The following KCNH1 variants were observed in gnomAD, a reference collection of about 807,000 sequenced individuals.
KCNH1 encodes voltage-gated delayed rectifier potassium channel KCNH1.
A neutral mutation model predicts 69.2 loss-of-function variants in KCNH1; 27 were observed. The observed-to-expected ratio is 0.39, with a 90% CI of 0.29 to 0.54. The LOEUF (loss-of-function observed/expected upper bound fraction) is 0.54, where lower values mean the gene tolerates loss of function less well. KCNH1 is among the 20% of genes least tolerant of loss of function. The probability of loss-of-function intolerance (pLI) is 0.68; values close to 1 mark genes in which losing one functional copy is unlikely to be tolerated. For missense variants in KCNH1, 798 were observed against 1,261.6 expected, an observed-to-expected ratio of 0.63 and a Z score of 5.57; for synonymous variants, 456 against 487.7, an observed-to-expected ratio of 0.93 and a Z score of 0.86.
At position 210,919,240 on chromosome 1, in the gene KCNH1, T is replaced by C. The variant is rs12093116; in HGVS notation, c.1462+400A>G. The C allele has an allele frequency of 0.025, 3,901 of 158,024 alleles. 141 individuals are homozygous for C. The highest frequency in any genetic ancestry group is 0.087 in the African/African-American group (3,610 of 41,646). 9.8% of individuals were successfully genotyped at this position (158,024 alleles called of 1,614,324 possible). ...ACAATTTTTATTAAAAAGAAAAAAA[T>C]TGACATGAAAAGACTTCCATAATTC... On this transcript the variant is annotated intron_variant, in intron 7 of 10. Coordinates refer to ENST00000271751, the MANE Select transcript of KCNH1 (RefSeq NM_172362.3). The surrounding 1 kb of genome is among the most constrained non-coding windows in gnomAD (Gnocchi z 4.2).
chr1:210,950,928 A>G (rs1189933195), intron 6 of KCNH1, among the ~76,000 whole-genome samples: 1 of 152,230 alleles, frequency 6.6e-6, no homozygotes, highest in African/African-American at 2.4e-5. Context: ...CTCTGCCTTC[A>G]TGGAACTTAC....
intron 1 of KCNH1, among the ~76,000 whole-genome samples, chr1:211,121,902 C>G (rs543139357): frequency 5.3e-5 from 8 of 152,104 alleles, no homozygotes; most frequent in Non-Finnish European, 1.2e-4. Context: ...TTGGGAGACC[C>G]AGGTGGGCGG....
chr1:210,887,016 G>T (rs1210213864), intron 7 of KCNH1, among the ~76,000 whole-genome samples: 1 of 152,016 alleles, frequency 6.6e-6, no homozygotes, highest in African/African-American at 2.4e-5. Flanking sequence ...AGCAAGACAG[G>T]CCAACATTCA....
intron 5 of KCNH1, among the ~76,000 whole-genome samples, chr1:211,058,051 G>C (rs2102446794): frequency 6.6e-6 from 1 of 152,192 alleles, no homozygotes; most frequent in Non-Finnish European, 1.5e-5. Flanking sequence ...AGGAGAGACT[G>C]TCACAACATA....
intron 10 of KCNH1, among the ~76,000 whole-genome samples, chr1:210,766,982 A>G (rs1417548058): frequency 1.3e-5 from 2 of 152,370 alleles, no homozygotes; most frequent in East Asian, 1.9e-4. Flanking sequence ...TCTGCTTACC[A>G]AAAGCAAAGG....
intron 7 of KCNH1, among the ~76,000 whole-genome samples, chr1:210,887,722 CAAAAAA>C (rs35066964): frequency 1.8e-5 from 1 of 55,062 alleles, no homozygotes; most frequent in Non-Finnish European, 3.2e-5. Context: ...AATGGAAAGC[CAAAAAA>C]AAAAAAAAAA....
chr1:211,078,919 A>G (rs1443942169), intron 5 of KCNH1, among the ~76,000 whole-genome samples: 1 of 73,884 alleles, frequency 1.4e-5, no homozygotes, highest in African/African-American at 4.5e-5. Context: ...CTCCGTCTCA[A>G]AAAAAAAAAA....
chr1:210,814,623 G>A (rs947336653), intron 7 of KCNH1, among the ~76,000 whole-genome samples: 1 of 152,164 alleles, frequency 6.6e-6, no homozygotes, highest in Non-Finnish European at 1.5e-5. Context: ...AGTCATGAGA[G>A]CCTCAGTTTT....
At chr1:211,099,580 T>G (rs1691220578) in intron 3 of KCNH1, among the ~76,000 whole-genome samples, 1 of 152,174 alleles carries the variant, frequency 6.6e-6, no homozygotes, top group African/African-American at 2.4e-5. Flanking sequence ...CCGTTCCCAG[T>G]GGACTCCTCT....
At position 210,775,628 on chromosome 1, in the gene KCNH1, T is replaced by C; in HGVS notation, c.1916-84A>G. On this transcript the variant is annotated intron_variant, in intron 9 of 10. Transcript: ENST00000271751. ...CTGGCTTCCCTCTATTCCCCAGAAT[T>C]GCTGTCCTTTCAGCATTCTGCAGAT... 6.9e-6 allele frequency: 7 copies of C among 1,008,982 alleles called. No individual in the cohort carries two copies. In the South Asian group the frequency reaches 1.1e-4, roughly 15 times the overall value. The allele number at this position is 1,008,982 out of a possible 1,614,324, so 62.5% of individuals were successfully genotyped here. A position where few individuals can be genotyped will look rare whatever the true frequency, so the allele number is the denominator to read the frequency against.
At chr1:211,048,325 C>T (rs1277444933) in intron 5 of KCNH1, among the ~76,000 whole-genome samples, 1 of 152,138 alleles carries the variant, frequency 6.6e-6, no homozygotes, top group African/African-American at 2.4e-5. Flanking sequence ...AGCAGTCCCA[C>T]TCCTGAGTAT....
At chr1:211,126,005 T>G (rs992370601) in intron 1 of KCNH1, among the ~76,000 whole-genome samples, 1 of 152,204 alleles carries the variant, frequency 6.6e-6, no homozygotes, top group Non-Finnish European at 1.5e-5. Flanking sequence ...TGTTTCACTG[T>G]TAGAGCAGAA....
At chr1:211,003,218 C>A (rs1412529268) in intron 6 of KCNH1, among the ~76,000 whole-genome samples, 1 of 151,396 alleles carries the variant, frequency 6.6e-6, no homozygotes, top group African/African-American at 2.4e-5. Context: ...ACCCCATGTG[C>A]TCCTCTAAAT....
intron 7 of KCNH1, chr1:210,862,067 C>T (rs571575973): frequency 1.7e-5 from 14 of 820,050 alleles, no homozygotes; most frequent in Non-Finnish European, 3.1e-5. Context: ...TACTTTTGTG[C>T]TGTTTCTTGA....
intron 3 of KCNH1, among the ~76,000 whole-genome samples, chr1:211,102,771 A>G (rs943469101): frequency 6.6e-6 from 1 of 152,232 alleles, no homozygotes; most frequent in Non-Finnish European, 1.5e-5. Context: ...AATTGAATCA[A>G]TTTCCTACCA....
At chr1:210,842,865 C>T (rs115318830) in intron 7 of KCNH1, among the ~76,000 whole-genome samples, 2,330 of 152,278 alleles carry the variant, frequency 0.015, 57 homozygotes, top group African/African-American at 0.052. Flanking sequence ...GTACCATCTT[C>T]TCTGTCCCAT....
chr1:211,029,476 A>C (rs1474114914), intron 5 of KCNH1, among the ~76,000 whole-genome samples: 1 of 151,900 alleles, frequency 6.6e-6, no homozygotes, highest in Non-Finnish European at 1.5e-5. Context: ...ATACAAAAAC[A>C]CTCAATAAAA....
At chr1:210,722,304 T>C (rs1038768023) in intron 10 of KCNH1, among the ~76,000 whole-genome samples, 3 of 152,166 alleles carry the variant, frequency 2.0e-5, no homozygotes, top group African/African-American at 7.2e-5. Flanking sequence ...TCAGTGTTTC[T>C]TGTTATGTGT....
chr1:210,715,286 T>C (rs112298363), intron 10 of KCNH1, among the ~76,000 whole-genome samples: 18 of 152,176 alleles, frequency 1.2e-4, no homozygotes, highest in Non-Finnish European at 2.1e-4. Flanking sequence ...TGTCACTCCC[T>C]GCAAGAGGGT....
Sources: allele counts gnomAD v4.1 joint callset (sites outside exome capture counted in the v4.1 genomes callset), GRCh38; gene constraint gnomAD v4.1.1; non-coding constraint Gnocchi (gnomAD v3.1); transcripts MANE v1.5; gene names NCBI Gene and HGNC (gene_info 2026-07-23, HGNC 2026-07-21).